PPFIBP1: variants seen among roughly 807,000 people sequenced by gnomAD.
The protein encoded by PPFIBP1 is PPFIB scaffold protein 1.
PPFIBP1 carries 112 observed loss-of-function variants against 137.8 expected under a neutral mutation model. The ratio of observed to expected loss-of-function variants is 0.81; its 90% CI spans 0.70 to 0.95. PPFIBP1 has a LOEUF of 0.95. Ranked by LOEUF, PPFIBP1 falls within the 40% of genes least tolerant of loss-of-function variation. The probability of loss-of-function intolerance (pLI) is 0.00; values close to 1 mark genes in which losing one functional copy is unlikely to be tolerated. For missense variants in PPFIBP1, 1,083 were observed against 1,196.6 expected, an observed-to-expected ratio of 0.91 and a Z score of 1.40; for synonymous variants, 378 against 417.3, an observed-to-expected ratio of 0.91 and a Z score of 1.15.
At chr12:27,535,761 C>T (rs777099644) in intron 1 of PPFIBP1, among the ~76,000 whole-genome samples, 16 of 152,132 alleles carry the variant, frequency 1.1e-4, no homozygotes, top group Admixed American at 3.3e-4. Flanking sequence ...CTGAAGTTGT[C>T]GACGCATATG....
intron 2 of PPFIBP1, among the ~76,000 whole-genome samples, chr12:27,587,393 G>A (rs1385251314): frequency 1.3e-5 from 2 of 151,930 alleles, no homozygotes; most frequent in African/African-American, 2.4e-5. Context: ...AGGCCGAGGC[G>A]GGCGGATCAC....
Position 27,689,216 on chromosome 12 carries a change from T to C in PPFIBP1, c.2685+13T>C, listed in dbSNP as rs574649353. ...TGCCAAAGTGAAGGTTGGTTCAGGCTCATACGGTTTAATAATTGCTTGGCG... is the reference window on the plus strand; with the variant it reads ...TGCCAAAGTGAAGGTTGGTTCAGGCCCATACGGTTTAATAATTGCTTGGCG... On this transcript the variant is annotated intron_variant, in intron 27 of 29. Transcript: ENST00000228425. 6.5e-7 allele frequency: 1 copy of C among 1,527,362 alleles called. No individual in the cohort carries two copies. Among genetic ancestry groups the C allele is most frequent in the Admixed American group, 2.3e-5 (1 of 42,960 alleles). The allele number at this position is 1,527,362 out of a possible 1,614,324, so 94.6% of individuals were successfully genotyped here.
intron 2 of PPFIBP1, among the ~76,000 whole-genome samples, chr12:27,600,912 T>G (rs2053910856): frequency 6.6e-6 from 1 of 152,238 alleles, no homozygotes; most frequent in Non-Finnish European, 1.5e-5. Flanking sequence ...TGTGGAATGG[T>G]CATAGCAAGC....
In PPFIBP1 at chr12:27,674,492, T is replaced by C. The variant is rs146593734; in HGVS notation, c.1410+271T>C. ...TGTTTAAGGGTAAGGGGTTTTGCTT[T>C]CGAATGATGGAAATGTTTTGGAAGC... On this transcript the variant is annotated intron_variant, in intron 17 of 29. Coordinates refer to ENST00000228425, the MANE Select transcript of PPFIBP1 (RefSeq NM_003622.4). Among the ~76,000 whole-genome samples, 581 of 152,304 alleles carry C rather than the reference T, an allele frequency of 3.8e-3. 4 individuals carry two copies. Among genetic ancestry groups the C allele is most frequent in the African/African-American group, 0.013 (553 of 41,566 alleles).
At chr12:27,613,608 C>T (rs1216775160) in intron 2 of PPFIBP1, among the ~76,000 whole-genome samples, 1 of 150,962 alleles carries the variant, frequency 6.6e-6, no homozygotes, top group African/African-American at 2.4e-5. Context: ...GAGGCTGAGG[C>T]AGGAGAATCG....
intron 13 of PPFIBP1, among the ~76,000 whole-genome samples, chr12:27,670,778 CAAAAAAAAA>C (rs1173003497): frequency 7.0e-5 from 10 of 142,170 alleles, no homozygotes; most frequent in Admixed American, 4.9e-4. Flanking sequence ...GACCCTGTCT[CAAAAAAAAA>C]AAAAAAAAAT....
chr12:27,654,172 T>C (rs1334920326), intron 7 of PPFIBP1, among the ~76,000 whole-genome samples: 1 of 152,238 alleles, frequency 6.6e-6, no homozygotes, highest in East Asian at 1.9e-4. Flanking sequence ...GTTTCAGGAA[T>C]CTTAAGGATT....
At chr12:27,617,679 A>G (rs879690420) in intron 2 of PPFIBP1, among the ~76,000 whole-genome samples, 8 of 152,208 alleles carry the variant, frequency 5.3e-5, no homozygotes, top group Admixed American at 2.0e-4. Context: ...CTATATAAAT[A>G]GTTGCTCTAC....
intron 4 of PPFIBP1, among the ~76,000 whole-genome samples, chr12:27,642,605 C>A (rs905870410): frequency 1.7e-4 from 26 of 152,022 alleles, no homozygotes; most frequent in Admixed American, 5.2e-4. Context: ...TAAGACAAGA[C>A]CCAGAAGGTC....
At chr12:27,541,279 G>C (rs761791397) in intron 1 of PPFIBP1, among the ~76,000 whole-genome samples, 3 of 152,026 alleles carry the variant, frequency 2.0e-5, no homozygotes, top group Non-Finnish European at 2.9e-5. Context: ...AAAAAATAGA[G>C]AAAGTTGGTG....
intron 2 of PPFIBP1, among the ~76,000 whole-genome samples, chr12:27,607,639 G>A (rs1039448967): frequency 3.3e-5 from 5 of 152,068 alleles, no homozygotes; most frequent in Non-Finnish European, 5.9e-5. Context: ...GCTGGTCTGG[G>A]GGCCACACTT....
chr12:27,591,044 A>G (rs964310298), intron 2 of PPFIBP1, among the ~76,000 whole-genome samples: 1 of 151,764 alleles, frequency 6.6e-6, no homozygotes, highest in Non-Finnish European at 1.5e-5. Context: ...ATAGTCATAT[A>G]TTTGCCTGAT....
chr12:27,680,137 T>C, intron 21 of PPFIBP1, 76 bp downstream of exon 21: 2 of 1,543,826 alleles, frequency 1.3e-6, no homozygotes, highest in Non-Finnish European at 1.8e-6. Flanking sequence ...GTATTAGTAC[T>C]GTCATTGGGT....
At chr12:27,686,761 G>C (rs1423896380) in intron 24 of PPFIBP1, among the ~76,000 whole-genome samples, 4 of 152,080 alleles carry the variant, frequency 2.6e-5, no homozygotes, top group African/African-American at 7.2e-5. Context: ...GCCTTGCTAG[G>C]AGCGGTGCCT....
At chr12:27,658,534 TTG>T (rs1371084141) in intron 9 of PPFIBP1, among the ~76,000 whole-genome samples, 3 of 152,168 alleles carry the variant, frequency 2.0e-5, no homozygotes, top group Non-Finnish European at 4.4e-5. Flanking sequence ...TAAGAAGTGC[TTG>T]TAGTCCATAA....
intron 1 of PPFIBP1, among the ~76,000 whole-genome samples, chr12:27,569,373 A>T (rs533837608): frequency 1.3e-5 from 2 of 152,160 alleles, no homozygotes; most frequent in Non-Finnish European, 2.9e-5. Context: ...TACAACACAA[A>T]TAGTTGTATG....
At chr12:27,582,230 A>G (rs1199118350) in intron 2 of PPFIBP1, among the ~76,000 whole-genome samples, 1 of 152,136 alleles carries the variant, frequency 6.6e-6, no homozygotes, top group Non-Finnish European at 1.5e-5. Flanking sequence ...GTGTGTGTGC[A>G]TACATGCTGT....
At chr12:27,615,874 C>CA (rs1303099667) in intron 2 of PPFIBP1, among the ~76,000 whole-genome samples, 1 of 152,084 alleles carries the variant, frequency 6.6e-6, no homozygotes, top group Non-Finnish European at 1.5e-5. Flanking sequence ...AGCCCTCCCC[C>CA]AAAAGAATTG....
chr12:27,654,523 G>T, intron 7 of PPFIBP1, 199 bp from the exon 8 acceptor site: 1 of 570,176 alleles, frequency 1.8e-6, no homozygotes, highest in Non-Finnish European at 2.7e-6. Context: ...AGACGCATTG[G>T]GGATTTAAAG....
Sources: allele counts gnomAD v4.1 joint callset (sites outside exome capture counted in the v4.1 genomes callset), GRCh38; gene constraint gnomAD v4.1.1; transcripts MANE v1.5; gene names NCBI Gene and HGNC (gene_info 2026-07-23, HGNC 2026-07-21).